SHOX: variants seen among roughly 807,000 people sequenced by gnomAD.
The protein encoded by SHOX is short stature homeobox protein.
In SHOX, 12 loss-of-function variants were observed where a neutral mutation model predicts 29.6. That is an observed-to-expected ratio of 0.41 (90% CI 0.26 to 0.66). The LOEUF is 0.66. Among genes scored for constraint, SHOX ranks in the 30% least tolerant of loss-of-function variants. The pLI, the probability that SHOX is intolerant of heterozygous loss-of-function variation, is 0.35. For missense variants in SHOX, 499 were observed against 437.7 expected (o/e 1.14, Z -1.25); for synonymous variants, 214 against 200.6 (o/e 1.07, Z -0.57).
chrX:655,233 G>A (rs1414017744), downstream of SHOX, among the ~76,000 whole-genome samples: 7 of 151,434 alleles, frequency 4.6e-5, no homozygotes, highest in South Asian at 4.2e-4. Flanking sequence ...TCAGCCTCCC[G>A]AGTAGCTGGG....
At chrX:658,633 G>A (rs2053181350) in intron 5 of SHOX, among the ~76,000 whole-genome samples, 2 of 151,792 alleles carry the variant, frequency 1.3e-5, no homozygotes, top group South Asian at 2.1e-4. Flanking sequence ...ACCGCGCCCG[G>A]CTAATTTTTT....
chrX:653,878 C>A (rs117019435), downstream of SHOX, among the ~76,000 whole-genome samples: 4,312 of 151,712 alleles, frequency 0.028, 210 homozygotes, highest in African/African-American at 0.1. Flanking sequence ...ACCAAACACA[C>A]GGAGATAAGC....
intron 2 of SHOX, among the ~76,000 whole-genome samples, chrX:640,578 A>AACC (rs2052836110): frequency 6.6e-6 from 1 of 152,120 alleles, no homozygotes. Flanking sequence ...TTGATTTCAG[A>AACC]ACCACCACCA....
chrX:630,480 G>A, upstream of SHOX: 1 of 276,346 alleles, frequency 3.6e-6, no homozygotes. Flanking sequence ...ACTGGAGTTT[G>A]CTTTTCCTCC....
intron 5 of SHOX, among the ~76,000 whole-genome samples, chrX:656,712 G>A (rs1228263184): frequency 4.0e-5 from 6 of 151,688 alleles, no homozygotes; most frequent in Non-Finnish European, 7.4e-5. Flanking sequence ...GCGTGGTGGC[G>A]GGCGCCTGTA....
At position 648,625 on chromosome X, in the gene SHOX, A is replaced by G. The variant is rs990932325; in HGVS notation, c.*3989A>G. On this transcript the variant is annotated 3_prime_UTR_variant, in exon 5 of 5. Coordinates refer to ENST00000686671, the MANE Select transcript of SHOX (RefSeq NM_000451.4). The stretch of plus-strand genomic sequence containing the variant: ...GGAAAGAGGGCCAAGTGTCATCCTC[A>G]CAAATGGGTCCCCGAAGCAGATCAA... Among the ~76,000 whole-genome samples, 1 of 152,196 alleles carries G rather than the reference A, an allele frequency of 6.6e-6. No individual in the cohort carries two copies. The highest frequency in any genetic ancestry group is 1.5e-5 in the Non-Finnish European group (1 of 68,036).
At chrX:658,921 T>C (rs1170555309) in exon 6 of SHOX, 13 of 260,678 alleles carry the variant, frequency 5.0e-5, no homozygotes, top group Non-Finnish European at 7.1e-5. Flanking sequence ...CCCACCACCA[T>C]GTCAAGATAA....
chrX:641,391 G>A (rs993530839), intron 4 of SHOX, among the ~76,000 whole-genome samples: 2 of 151,772 alleles, frequency 1.3e-5, no homozygotes, highest in Non-Finnish European at 2.9e-5. Context: ...ACGAAACCCT[G>A]TCTATTAAAA....
At chrX:630,686 C>A, upstream of SHOX, 2 of 627,664 alleles carry the variant, frequency 3.2e-6, no homozygotes, top group Admixed American at 2.9e-5. Flanking sequence ...TCTCTGCGTG[C>A]GTCCGCCGCG....
chrX:657,467 A>T (rs2053163530), intron 5 of SHOX, among the ~76,000 whole-genome samples: 1 of 152,230 alleles, frequency 6.6e-6, no homozygotes, highest in African/African-American at 2.4e-5. Flanking sequence ...AATGCTGCCC[A>T]TCCTTCTAGA....
At chrX:626,156 A>C (rs1368801269), upstream of SHOX, among the ~76,000 whole-genome samples, 2 of 81,234 alleles carry the variant, frequency 2.5e-5, no homozygotes, top group African/African-American at 1.1e-4. Flanking sequence ...CTCTGTCTGT[A>C]TCTCTATCTC....
chrX:638,095 G>A (rs1238196434), intron 2 of SHOX, among the ~76,000 whole-genome samples: 1 of 152,204 alleles, frequency 6.6e-6, no homozygotes, highest in Non-Finnish European at 1.5e-5. Context: ...ATTTGGGAAA[G>A]AAAGCGGGGA....
chrX:656,487 G>A (rs1181588992), downstream of SHOX, among the ~76,000 whole-genome samples: 1 of 151,916 alleles, frequency 6.6e-6, no homozygotes, highest in African/African-American at 2.4e-5. Flanking sequence ...AGGCGGAATT[G>A]CTTGAGCCCA....
intron 4 of SHOX, among the ~76,000 whole-genome samples, chrX:643,560 G>GGGAGAGGCTTGGGGACCTGGTGTCCCA (rs2052904015): frequency 1.5e-5 from 2 of 137,036 alleles, no homozygotes; most frequent in Non-Finnish European, 1.5e-5. Flanking sequence ...CTAGTGACCC[G>GGGAGAGGCTTGGGGACCTGGTGTCCCA]GGAGAGGCTT....
rs28592040 is a variant in SHOX, at chrX:649,834, C to T, written c.*5198C>T. 1,194 of 447,458 alleles carry T rather than the reference C, an allele frequency of 2.7e-3. 10 individuals are homozygous for T. The highest frequency in any genetic ancestry group is 0.021 in the African/African-American group (1,074 of 49,954). The allele number at this position is 447,458 out of a possible 1,614,324, so 27.7% of individuals were successfully genotyped here. ...AAATAGTCCGTGGAGGGTTGTCAGT[C>T]GCCGCAGTTGAGCAAAAAACACTTC... On this transcript the variant is annotated 3_prime_UTR_variant, in exon 5 of 5. Coordinates refer to ENST00000686671, the MANE Select transcript of SHOX (RefSeq NM_000451.4).
intron 1 of SHOX, among the ~76,000 whole-genome samples, chrX:631,685 C>G (rs967891240): frequency 1.3e-5 from 2 of 152,200 alleles, no homozygotes; most frequent in Non-Finnish European, 2.9e-5. Flanking sequence ...GCATGCACCA[C>G]CACGCCTGGC....
At chrX:652,115 G>T (rs2053075547), downstream of SHOX, among the ~76,000 whole-genome samples, 1 of 151,944 alleles carries the variant, frequency 6.6e-6, no homozygotes, top group South Asian at 2.1e-4. Flanking sequence ...AGTAGCAATG[G>T]GGTTTCACCG....
At chrX:635,807 A>C (rs1213516069) in intron 2 of SHOX, among the ~76,000 whole-genome samples, 1 of 151,124 alleles carries the variant, frequency 6.6e-6, no homozygotes, top group East Asian at 1.9e-4. Flanking sequence ...TGGAAGGTCA[A>C]CTCCTCTAGT....
rs1208885262 is a variant in SHOX at position 636,250 on chromosome X, TAATATATAAACATA to T, written c.486+1439_486+1452del. ...TAATATATAAATCTATAAACATATATAATATATAAACATAAATATATAAACATATATAATATATA... is the reference window on the plus strand; with the variant it reads ...TAATATATAAATCTATAAACATATATAATATATAAACATATATAATATATA... On this transcript the variant is annotated intron_variant, in intron 2 of 4. Coordinates refer to ENST00000686671, the MANE Select transcript of SHOX (RefSeq NM_000451.4). Among the ~76,000 whole-genome samples the T allele has an allele frequency of 9.0e-5, 13 of 144,680 alleles. No homozygotes were observed. In the South Asian group the frequency reaches 1.9e-3, roughly 21 times the overall value. The allele number at this position is 144,680 out of a possible 152,430, so 94.9% of individuals were successfully genotyped here. A position where few individuals can be genotyped will look rare whatever the true frequency, so the allele number is the denominator to read the frequency against.
Sources: gnomAD v4.1 joint callset for allele counts (sites outside exome capture counted in the v4.1 genomes callset) on GRCh38, gnomAD v4.1.1 for gene constraint, MANE v1.5 for transcripts, NCBI Gene and HGNC (gene_info 2026-07-23, HGNC 2026-07-21) for gene names.